Variants in LINGO2 observed in about 807,000 individuals in gnomAD.
LINGO2 encodes leucine rich repeat and Ig domain containing 2.
LINGO2 carries 14 observed loss-of-function variants against 30.6 expected under a neutral mutation model. That is an observed-to-expected ratio of 0.46 (90% CI 0.30 to 0.72). The LOEUF (loss-of-function observed/expected upper bound fraction) is 0.72. Ranked by LOEUF, LINGO2 falls within the 30% of genes least tolerant of loss-of-function variation. The probability of loss-of-function intolerance (pLI) is 0.07; values close to 1 mark genes in which losing one functional copy is unlikely to be tolerated. For missense variants in LINGO2, 729 were observed against 751.7 expected (o/e 0.97, Z 0.35); for synonymous variants, 317 against 288.5 (o/e 1.10, Z -1.00).
At chr9:28,450,236 C>A (rs143175208) in intron 2 of LINGO2, among the ~76,000 whole-genome samples, 1 of 151,920 alleles carries the variant, frequency 6.6e-6, no homozygotes, top group Non-Finnish European at 1.5e-5. Context: ...AAAATCAGAC[C>A]CCTAAGTCCA....
At chr9:28,098,896 G>A (rs1826328214) in intron 4 of LINGO2, among the ~76,000 whole-genome samples, 1 of 152,038 alleles carries the variant, frequency 6.6e-6, no homozygotes, top group South Asian at 2.1e-4. Context: ...ATATGTTTGT[G>A]TTATTGAAAA....
intron 4 of LINGO2, among the ~76,000 whole-genome samples, chr9:28,024,713 A>T (rs944649): frequency 6.6e-6 from 1 of 152,142 alleles, no homozygotes; most frequent in African/African-American, 2.4e-5. Context: ...AAGTCATTGC[A>T]TCTTCATGGA....
intron 1 of LINGO2, among the ~76,000 whole-genome samples, chr9:28,589,108 T>C (rs1201222435): frequency 1.3e-5 from 2 of 152,126 alleles, no homozygotes; most frequent in Non-Finnish European, 2.9e-5. Flanking sequence ...CAACCCTTCA[T>C]GCTAAAAACT....
At chr9:29,177,106 T>C in the LINGO2 span, among the ~76,000 whole-genome samples, 1 of 152,216 alleles carries the variant, frequency 6.6e-6, no homozygotes, top group East Asian at 1.9e-4. Context: ...AAGTCTTAGT[T>C]CTTCAGGATA....
chr9:29,131,489 A>G, the LINGO2 span, among the ~76,000 whole-genome samples: 6,230 of 152,076 alleles, frequency 0.041, 193 homozygotes, highest in Admixed American at 0.079. Context: ...TCCCCGCTCT[A>G]TTTTGGGCCC....
intron 4 of LINGO2, among the ~76,000 whole-genome samples, chr9:28,232,081 C>T (rs1165806412): frequency 6.6e-6 from 1 of 151,844 alleles, no homozygotes; most frequent in Non-Finnish European, 1.5e-5. Flanking sequence ...GTAATTTTTA[C>T]CCATAGAACT....
the LINGO2 span, among the ~76,000 whole-genome samples, chr9:28,792,207 T>C: frequency 2.0e-5 from 3 of 151,876 alleles, no homozygotes; most frequent in Non-Finnish European, 2.9e-5. Flanking sequence ...CATGCTACAA[T>C]AAGCAGGCTT....
rs115925589 is a variant in LINGO2 at position 27,961,221 on chromosome 9, G to A, written c.-35-10515C>T. Among the ~76,000 whole-genome samples, 890 of 152,300 alleles carry A rather than the reference G, an allele frequency of 5.8e-3. 8 individuals carry two copies. Among genetic ancestry groups the A allele is most frequent in the South Asian group, 0.019 (92 of 4,826 alleles). ...AAGTTAGGCTAGACTAAGCTATGGT[G>A]TATTTTCAATGTAATGATATCTTCA... On this transcript the variant is annotated intron_variant, in intron 5 of 5. Coordinates refer to ENST00000379992, the Ensembl canonical transcript of LINGO2.
the LINGO2 span, among the ~76,000 whole-genome samples, chr9:28,744,996 T>C: frequency 1.5e-4 from 23 of 152,036 alleles, no homozygotes; most frequent in Non-Finnish European, 1.6e-4. Context: ...AAGCCACTTA[T>C]TGATCAAGGT....
chr9:28,632,952 CA>C (rs1827071422), intron 1 of LINGO2, among the ~76,000 whole-genome samples: 1 of 145,670 alleles, frequency 6.9e-6, no homozygotes, highest in Non-Finnish European at 1.5e-5. Flanking sequence ...CACAAGGTCC[CA>C]AAATAGGTTG....
intron 4 of LINGO2, among the ~76,000 whole-genome samples, chr9:28,109,270 C>G (rs552297881): frequency 2.2e-4 from 34 of 152,126 alleles, no homozygotes; most frequent in Admixed American, 3.9e-4. Context: ...CTATTTATGT[C>G]AAACCCACAG....
At chr9:28,555,969 T>C (rs1822658885) in intron 1 of LINGO2, among the ~76,000 whole-genome samples, 1 of 152,074 alleles carries the variant, frequency 6.6e-6, no homozygotes, top group Non-Finnish European at 1.5e-5. Context: ...AAACTCTCAA[T>C]AAATTAGGTA....
intron 4 of LINGO2, among the ~76,000 whole-genome samples, chr9:28,017,217 A>G (rs1015652383): frequency 6.6e-6 from 1 of 152,196 alleles, no homozygotes; most frequent in Non-Finnish European, 1.5e-5. Flanking sequence ...ATCTATGACA[A>G]ACCCACAGCC....
chr9:28,806,918 T>G, the LINGO2 span, among the ~76,000 whole-genome samples: 206 of 152,114 alleles, frequency 1.4e-3, no homozygotes, highest in Non-Finnish European at 2.5e-3. Flanking sequence ...ATATTAAAAT[T>G]GTTTCTATAT....
intron 2 of LINGO2, among the ~76,000 whole-genome samples, chr9:28,446,723 G>A (rs540297794): frequency 5.9e-5 from 9 of 152,266 alleles, no homozygotes; most frequent in Non-Finnish European, 1.2e-4. Context: ...ATTCCCTACA[G>A]AGCAGCCAGA....
chr9:29,030,052 A>C, the LINGO2 span, among the ~76,000 whole-genome samples: 1 of 152,080 alleles, frequency 6.6e-6, no homozygotes, highest in East Asian at 1.9e-4. Flanking sequence ...TAAATGTGTT[A>C]TCTTTCAGGA....
the LINGO2 span, among the ~76,000 whole-genome samples, chr9:29,142,428 T>G: frequency 2.0e-5 from 3 of 151,814 alleles, no homozygotes; most frequent in South Asian, 6.2e-4. Flanking sequence ...ATTGAGAAGT[T>G]TTTATTAAAT....
chr9:28,885,374 C>CACACACACACACACATAT, the LINGO2 span, among the ~76,000 whole-genome samples: 5 of 143,694 alleles, frequency 3.5e-5, no homozygotes, highest in Non-Finnish European at 7.5e-5. Flanking sequence ...CACACACACA[C>CACACACACACACACATAT]ATATATATAT....
At chr9:28,730,519 C>A in the LINGO2 span, among the ~76,000 whole-genome samples, 3 of 152,114 alleles carry the variant, frequency 2.0e-5, no homozygotes, top group Non-Finnish European at 4.4e-5. Context: ...AGAAGCAAAG[C>A]TACAGAATGG....
Sources: allele counts gnomAD v4.1 joint callset (sites outside exome capture counted in the v4.1 genomes callset), GRCh38; gene constraint gnomAD v4.1.1; transcripts MANE v1.5; gene names NCBI Gene and HGNC (gene_info 2026-07-23, HGNC 2026-07-21).